The following MSI1 variants were observed in gnomAD, a reference collection of about 807,000 sequenced individuals.
MSI1 encodes the protein RNA-binding protein Musashi homolog 1.
MSI1 carries 15 observed loss-of-function variants against 54.4 expected under a neutral mutation model. The observed-to-expected ratio is 0.28, with a 90% confidence interval of 0.18 to 0.42. The LOEUF is 0.42. Among genes scored for constraint, MSI1 ranks in the 20% least tolerant of loss-of-function variants. The pLI, the probability that MSI1 is intolerant of heterozygous loss-of-function variation, is 1.00. For missense variants in MSI1, 304 were observed against 506.0 expected (o/e 0.60, Z 3.83); for synonymous variants, 200 against 196.5 (o/e 1.02, Z -0.15).
In MSI1 at chr12:120,368,659, G is replaced by A. The variant is rs1453068372; in HGVS notation, c.100+174C>T. On this transcript the variant is annotated intron_variant, in intron 2 of 14. Coordinates refer to ENST00000257552, the MANE Select transcript of MSI1 (RefSeq NM_002442.4). This position sits in a 1 kb window ranked among gnomAD's most constrained non-coding sequence, Gnocchi z 6.6. ...TCTGCTCCCCTCCACCCGCTGGGCC[G>A]GGTGCGCTCGCGGATCGCCCTGCGC... Among the ~76,000 whole-genome samples, 1 of 151,678 alleles carries A rather than the reference G, an allele frequency of 6.6e-6. No homozygotes were observed. The highest frequency in any genetic ancestry group is 1.5e-5 in the Non-Finnish European group (1 of 67,844).
chr12:120,368,930 G>C lies in MSI1; in HGVS notation c.60-57C>G. The C allele has an allele frequency of 7.6e-7, 1 of 1,313,802 alleles. No homozygotes were observed. The highest frequency in any genetic ancestry group is 1.8e-5 in the South Asian group (1 of 56,652). The allele number at this position is 1,313,802 out of a possible 1,614,324, so 81.4% of individuals were successfully genotyped here. A position where few individuals can be genotyped will look rare whatever the true frequency, so the allele number is the denominator to read the frequency against. On this transcript the variant is annotated intron_variant, in intron 1 of 14. Transcript: ENST00000257552. This position sits in a 1 kb window ranked among gnomAD's most constrained non-coding sequence, Gnocchi z 6.6. ...CGTGAGCGCCGGGCGCCAGGGCGCA[G>C]GGGGCGCGGGCCCGGGCTCCGGGGA... is the stretch of plus-strand genomic sequence containing the variant.
intron 7 of MSI1, among the ~76,000 whole-genome samples, chr12:120,358,172 A>G (rs1875303306): frequency 6.6e-6 from 1 of 152,180 alleles, no homozygotes; most frequent in African/African-American, 2.4e-5. Context: ...ATGAGAATAC[A>G]CTCAACATGC....
chr12:120,351,866 G>A (rs533953570), intron 10 of MSI1, among the ~76,000 whole-genome samples: 8 of 151,286 alleles, frequency 5.3e-5, no homozygotes, highest in East Asian at 3.9e-4. Flanking sequence ...CCGCCACCAC[G>A]CCCGGATAAT....
In MSI1 at chr12:120,359,064, GC is replaced by G. The variant is rs1178474758; in HGVS notation, c.403-12del. 6.4e-7 allele frequency: 1 copy of G among 1,553,846 alleles called. No homozygotes were observed. Among genetic ancestry groups the G allele is most frequent in the Admixed American group, 2.0e-5 (1 of 51,066 alleles). On this transcript the variant is annotated splice_polypyrimidine_tract_variant and intron_variant, in intron 6 of 14. Coordinates refer to ENST00000257552, the MANE Select transcript of MSI1 (RefSeq NM_002442.4). ...CATGGCGTCGTCCACCTGAAACACAGCCCGCCATGGAGGACCCAGCAGATAC... is the reference window on the plus strand; with the variant it reads ...CATGGCGTCGTCCACCTGAAACACAGCCGCCATGGAGGACCCAGCAGATAC...
chr12:120,350,149 G>A (rs1874472516), intron 11 of MSI1, among the ~76,000 whole-genome samples: 1 of 152,150 alleles, frequency 6.6e-6, no homozygotes, highest in South Asian at 2.1e-4. Context: ...AGCCTCCCAA[G>A]TAGCTGGGAC....
intron 4 of MSI1, among the ~76,000 whole-genome samples, chr12:120,367,516 G>A (rs1465974509): frequency 6.6e-6 from 1 of 152,130 alleles, no homozygotes; most frequent in Admixed American, 6.5e-5. Context: ...AAAGCAAGGA[G>A]CTCATTGACC....
At chr12:120,352,374 T>G (rs1874692712) in intron 10 of MSI1, among the ~76,000 whole-genome samples, 1 of 141,636 alleles carries the variant, frequency 7.1e-6, no homozygotes, top group African/African-American at 2.8e-5. Context: ...CTCTTCTTCT[T>G]GTGTGTGTGT....
Position 120,356,964 on chromosome 12 carries a change from C to T in MSI1, c.590G>A (p.Arg197Gln), listed in dbSNP as rs555207756. 18 of 1,614,264 alleles carry T rather than the reference C, an allele frequency of 1.1e-5. No homozygotes were observed. Among genetic ancestry groups the T allele is most frequent in the African/African-American group, 4.0e-5 (3 of 75,080 alleles). ...GTAGGGCATGACTCGAGACCTCCCC[C>T]GGGCTGAGCCCGTTGGCGACATCAC... Reference protein sequence around the residue: ...KEVMSPTGSARGRSRVMPYGM... With the variant: ...KEVMSPTGSAQGRSRVMPYGM... The change falls in exon 9 of 15, where the codon CGG becomes CAG. Residue 197 changes from arginine to glutamine, a missense_variant. Coordinates refer to ENST00000257552, the MANE Select transcript of MSI1 (RefSeq NM_002442.4).
intron 4 of MSI1, among the ~76,000 whole-genome samples, 163 bp downstream of exon 4, chr12:120,367,845 C>A (rs886285295): frequency 2.6e-5 from 4 of 152,102 alleles, no homozygotes; most frequent in African/African-American, 9.7e-5. Context: ...CTCTCCCCCC[C>A]AACTCTAGTG....
chr12:120,348,484 C>T (rs909456765), intron 11 of MSI1, among the ~76,000 whole-genome samples: 1 of 152,148 alleles, frequency 6.6e-6, no homozygotes, highest in Non-Finnish European at 1.5e-5. Context: ...GCCCCTTGTC[C>T]CCAACCATAA....
chr12:120,365,781 T>C (rs1192788048), intron 4 of MSI1, among the ~76,000 whole-genome samples: 1 of 152,222 alleles, frequency 6.6e-6, no homozygotes, highest in Non-Finnish European at 1.5e-5. Flanking sequence ...CTAGAAACTC[T>C]GGGCCTCTTG....
chr12:120,364,879 G>A lies in MSI1; in HGVS notation c.268-124C>T, dbSNP rs1322540617. 8.1e-5 allele frequency: 61 copies of A among 748,938 alleles called. No individual in the cohort carries two copies. The East Asian group carries it at 1.7e-3, about 21-fold the overall frequency. 46.4% of individuals were successfully genotyped at this position (748,938 alleles called of 1,614,324 possible). Reference sequence around the variant, plus strand: ...CACAAAGGTGACAGAAATCACAAAAGCCTCTAGGAGGAGAGAATAGTGGTT... The same window carrying A: ...CACAAAGGTGACAGAAATCACAAAAACCTCTAGGAGGAGAGAATAGTGGTT... On this transcript the variant is annotated intron_variant, in intron 4 of 14. Coordinates refer to ENST00000257552, the MANE Select transcript of MSI1 (RefSeq NM_002442.4).
chr12:120,359,995 T>C (rs1875493762), intron 6 of MSI1, among the ~76,000 whole-genome samples: 1 of 151,782 alleles, frequency 6.6e-6, no homozygotes, highest in Non-Finnish European at 1.5e-5. Flanking sequence ...ACCACCTTCT[T>C]TTTTTTTGGA....
chr12:120,353,834 GACT>G (rs1874847091), intron 9 of MSI1, among the ~76,000 whole-genome samples: 1 of 152,178 alleles, frequency 6.6e-6, no homozygotes, highest in African/African-American at 2.4e-5. Flanking sequence ...CTTTCCAGAT[GACT>G]ACATGCCTGA....
At chr12:120,356,467 T>G (rs1260385720) in intron 9 of MSI1, among the ~76,000 whole-genome samples, 1 of 152,202 alleles carries the variant, frequency 6.6e-6, no homozygotes, top group Non-Finnish European at 1.5e-5. Context: ...CTCGGCACCC[T>G]ACACTTCTGC....
chr12:120,367,966 T>A (rs773997122), intron 4 of MSI1, 42 bp downstream of exon 4: 134 of 1,569,122 alleles, frequency 8.5e-5, no homozygotes, highest in Non-Finnish European at 1.0e-4. Context: ...TCCGGCAGCC[T>A]CCCTCTCCCA....
Position 120,368,898 on chromosome 12 carries a change from G to T in MSI1, c.60-25C>A. 1 of 1,404,008 alleles carries T rather than the reference G, an allele frequency of 7.1e-7. No homozygotes were observed. Among genetic ancestry groups the T allele is most frequent in the Admixed American group, 2.3e-5 (1 of 42,724 alleles). 87.0% of individuals were successfully genotyped at this position (1,404,008 alleles called of 1,614,324 possible). ...GCTGCGGGAGGAGGAGAGACACAAA[G>T]GGCCCGCGTGAGCGCCGGGCGCCAG... On this transcript the variant is annotated intron_variant, in intron 1 of 14. Transcript: ENST00000257552. The surrounding 1 kb of genome is among the most constrained non-coding windows in gnomAD (Gnocchi z 6.6).
chr12:120,368,871 T>A lies in MSI1; in HGVS notation c.62A>T (p.Lys21Met). 1 of 1,466,682 alleles carries A rather than the reference T, an allele frequency of 6.8e-7. No homozygotes were observed. The highest frequency in any genetic ancestry group is 1.3e-5 in the South Asian group (1 of 77,856). 90.9% of individuals were successfully genotyped at this position (1,466,682 alleles called of 1,614,324 possible). The change falls in exon 2 of 15, where the codon AAG becomes ATG. Residue 21 changes from lysine (K) to methionine (M), a missense_variant and splice_region_variant. Coordinates refer to ENST00000257552, the MANE Select transcript of MSI1 (RefSeq NM_002442.4). This position sits in a 1 kb window ranked among gnomAD's most constrained non-coding sequence, Gnocchi z 6.6. ...CCAACTGAGTCCCCCGATGAACATCTTGCTGCGGGAGGAGGAGAGACACAA... is the reference window on the plus strand; with the variant it reads ...CCAACTGAGTCCCCCGATGAACATCATGCTGCGGGAGGAGGAGAGACACAA... Reference protein sequence around the residue: ...ASPDSPHDPCKMFIGGLSWQT... With the variant: ...ASPDSPHDPCMMFIGGLSWQT...
At chr12:120,356,072 T>C (rs1443638774) in intron 9 of MSI1, among the ~76,000 whole-genome samples, 1 of 152,176 alleles carries the variant, frequency 6.6e-6, no homozygotes, top group African/African-American at 2.4e-5. Flanking sequence ...TCAAGGCTCA[T>C]GGCAGCCTTC....
Sources: allele counts gnomAD v4.1 joint callset (sites outside exome capture counted in the v4.1 genomes callset), GRCh38; gene constraint gnomAD v4.1.1; non-coding constraint Gnocchi (gnomAD v3.1); transcripts MANE v1.5; gene names NCBI Gene and HGNC (gene_info 2026-07-23, HGNC 2026-07-21).